The following PDZD2 variants were observed in gnomAD, a reference collection of about 807,000 sequenced individuals.
The protein encoded by PDZD2 is PDZ domain containing 2, also known as PDZ domain-containing protein 2.
In PDZD2, 90 loss-of-function variants were observed where a neutral mutation model predicts 220.7. The ratio of observed to expected loss-of-function variants is 0.41; its 90% CI spans 0.34 to 0.49. The LOEUF is 0.49. Ranked by LOEUF, PDZD2 falls within the 20% of genes least tolerant of loss-of-function variation. The probability of loss-of-function intolerance (pLI) is 0.28; values close to 1 mark genes in which losing one functional copy is unlikely to be tolerated. For synonymous variants in PDZD2, 1,375 were observed against 1,450.5 expected, an observed-to-expected ratio of 0.95 and a Z score of 1.18; for missense variants, 3,174 against 3,608.5, an observed-to-expected ratio of 0.88 and a Z score of 3.08.
chr5:31,916,621 C>T (rs1329938428), intron 2 of PDZD2, among the ~76,000 whole-genome samples: 1 of 152,214 alleles, frequency 6.6e-6, no homozygotes, highest in African/African-American at 2.4e-5. Flanking sequence ...TCGAGTGTCA[C>T]TTTTGCAAGA....
chr5:31,867,029 GCAGACC>G, intron 2 of PDZD2, among the ~76,000 whole-genome samples: 2 of 152,272 alleles, frequency 1.3e-5, no homozygotes, highest in Middle Eastern at 6.8e-3. Flanking sequence ...GTGGATGGTA[GCAGACC>G]TCCATGCCTT....
At chr5:31,864,219 A>G (rs1430567687) in intron 2 of PDZD2, among the ~76,000 whole-genome samples, 4 of 152,154 alleles carry the variant, frequency 2.6e-5, no homozygotes, top group African/African-American at 9.7e-5. Flanking sequence ...TCCTAGCTCC[A>G]GCTCCTGCAT....
At chr5:31,856,595 T>C (rs927734646) in intron 2 of PDZD2, among the ~76,000 whole-genome samples, 6 of 152,100 alleles carry the variant, frequency 3.9e-5, no homozygotes, top group Admixed American at 3.9e-4. Context: ...CCTTTCTGCC[T>C]CCTCACGTCC....
chr5:31,881,356 GTGTGTGTGTGTGTA>G (rs1251051437), intron 2 of PDZD2, among the ~76,000 whole-genome samples: 3 of 138,402 alleles, frequency 2.2e-5, no homozygotes, highest in Admixed American at 7.0e-5. Context: ...GTGTGTGTGT[GTGTGTGTGTGTGTA>G]TATATTTTTT....
intron 2 of PDZD2, chr5:31,832,439 G>C (rs189643043): frequency 6.6e-6 from 1 of 152,166 alleles, no homozygotes; most frequent in African/African-American, 2.4e-5. Flanking sequence ...ATTAAAAAGG[G>C]TGCTTGCTTT....
chr5:31,968,382 G>A (rs959526022), intron 2 of PDZD2, among the ~76,000 whole-genome samples: 10 of 152,078 alleles, frequency 6.6e-5, no homozygotes, highest in South Asian at 2.1e-4. Context: ...AGCTGGGCAC[G>A]GTGGCTCACG....
intron 1 of PDZD2, among the ~76,000 whole-genome samples, chr5:31,783,327 T>C (rs1478041051): frequency 6.6e-6 from 1 of 151,986 alleles, no homozygotes; most frequent in Non-Finnish European, 1.5e-5. Context: ...GGAGAGAGCC[T>C]TGGAGAACAC....
At chr5:31,760,685 G>A (rs2150186521) in intron 1 of PDZD2, among the ~76,000 whole-genome samples, 1 of 152,268 alleles carries the variant, frequency 6.6e-6, no homozygotes, top group East Asian at 1.9e-4. Context: ...ACTTTGAGAG[G>A]CCAAGTCGGG....
chr5:32,093,622 A>T (rs1316760112), intron 21 of PDZD2, among the ~76,000 whole-genome samples: 1 of 152,228 alleles, frequency 6.6e-6, no homozygotes, highest in East Asian at 1.9e-4. Flanking sequence ...TTTGTCAGTT[A>T]TATGTATTAT....
intron 1 of PDZD2, among the ~76,000 whole-genome samples, chr5:31,685,778 C>T (rs1190598881): frequency 6.6e-6 from 1 of 152,202 alleles, no homozygotes; most frequent in African/African-American, 2.4e-5. Flanking sequence ...CCTGCCTTGG[C>T]TTCCCACAGT....
chr5:31,658,932 T>C (rs753419854), intron 1 of PDZD2, among the ~76,000 whole-genome samples: 149 of 152,218 alleles, frequency 9.8e-4, no homozygotes, highest in Non-Finnish European at 1.8e-3. Flanking sequence ...TTTCACTTCT[T>C]AAATCTCTCA....
chr5:31,855,458 G>A (rs997804155), intron 2 of PDZD2, among the ~76,000 whole-genome samples: 1 of 152,238 alleles, frequency 6.6e-6, no homozygotes, highest in Non-Finnish European at 1.5e-5. Context: ...GTGTGTGACG[G>A]GCAGGGAAGG....
At chr5:32,059,113 G>A in intron 12 of PDZD2, 126 bp from the exon 13 acceptor site, 1 of 597,388 alleles carries the variant, frequency 1.7e-6, no homozygotes, top group Non-Finnish European at 3.0e-6. Flanking sequence ...TACATTCTGA[G>A]TCTGGACCAG....
chr5:31,704,987 C>A (rs1313232546), intron 1 of PDZD2, among the ~76,000 whole-genome samples: 1 of 152,094 alleles, frequency 6.6e-6, no homozygotes, highest in Non-Finnish European at 1.5e-5. Flanking sequence ...GTGGTAAAAC[C>A]CCGTCTCTAC....
intron 8 of PDZD2, among the ~76,000 whole-genome samples, chr5:32,050,527 A>G (rs328621): frequency 0.52 from 78,597 of 151,808 alleles, 20,634 homozygotes; most frequent in Middle Eastern, 0.6. Flanking sequence ...CTCTCCCTCC[A>G]CTATAAAGTA....
At chr5:31,641,547 A>ACT (rs748018580) in intron 1 of PDZD2, among the ~76,000 whole-genome samples, 28 of 145,310 alleles carry the variant, frequency 1.9e-4, no homozygotes, top group Non-Finnish European at 3.5e-4. Context: ...TGTGTGAGAT[A>ACT]TTTTTTTTTT....
chr5:31,715,419 T>A (rs1748389286), intron 1 of PDZD2, among the ~76,000 whole-genome samples: 1 of 152,196 alleles, frequency 6.6e-6, no homozygotes, highest in Non-Finnish European at 1.5e-5. Context: ...CCCACTGAGT[T>A]TCCTTGTGCA....
At chr5:32,008,223 T>C (rs920434330) in intron 5 of PDZD2, among the ~76,000 whole-genome samples, 3 of 151,392 alleles carry the variant, frequency 2.0e-5, no homozygotes, top group African/African-American at 7.3e-5. Flanking sequence ...GTTCAAGGAC[T>C]GCCTTCATTG....
chr5:31,906,126 A>G (rs1400109057), intron 2 of PDZD2, among the ~76,000 whole-genome samples: 4 of 19,672 alleles, frequency 2.0e-4, no homozygotes, highest in African/African-American at 4.5e-4. Flanking sequence ...GGTTCATGTC[A>G]TTCTCCCGCC....
Sources: allele counts gnomAD v4.1 joint callset (sites outside exome capture counted in the v4.1 genomes callset), GRCh38; gene constraint gnomAD v4.1.1; transcripts MANE v1.5; gene names NCBI Gene and HGNC (gene_info 2026-07-23, HGNC 2026-07-21).